The following TRIQK variants were observed in gnomAD, a reference collection of about 807,000 sequenced individuals.
TRIQK encodes the protein triple QxxK/R motif-containing protein.
TRIQK carries 10 observed loss-of-function variants against 10.8 expected under a neutral mutation model. That is an observed-to-expected ratio of 0.92 (90% CI 0.57 to 1.57). The LOEUF (loss-of-function observed/expected upper bound fraction) is 1.57, where lower values mean the gene tolerates loss of function less well. Among genes scored for constraint, TRIQK ranks in the 40% most tolerant of loss-of-function variants. The pLI, the probability that TRIQK is intolerant of heterozygous loss-of-function variation, is 0.00. For missense variants in TRIQK, 107 were observed against 97.7 expected (o/e 1.09, Z -0.40); for synonymous variants, 33 against 33.7 (o/e 0.98, Z 0.07).
intron 4 of TRIQK, among the ~76,000 whole-genome samples, chr8:92,889,833 A>T (rs1371963372): frequency 6.6e-6 from 1 of 151,706 alleles, no homozygotes; most frequent in African/African-American, 2.4e-5. Flanking sequence ...AGGGGATAGG[A>T]TTCTAGGCCT....
At chr8:92,976,836 C>T (rs1251806385) in intron 1 of TRIQK, among the ~76,000 whole-genome samples, 2 of 151,916 alleles carry the variant, frequency 1.3e-5, no homozygotes, top group Admixed American at 6.6e-5. Context: ...AGCTGTTTAA[C>T]TTACCACCAT....
chr8:92,908,738 A>C (rs1011154633), intron 3 of TRIQK, among the ~76,000 whole-genome samples: 1 of 152,080 alleles, frequency 6.6e-6, no homozygotes, highest in Admixed American at 6.6e-5. Flanking sequence ...AAAAGCAGAG[A>C]GATAAGAGTC....
At chr8:92,934,846 C>T (rs757269609) in intron 2 of TRIQK, among the ~76,000 whole-genome samples, 5 of 151,590 alleles carry the variant, frequency 3.3e-5, no homozygotes, top group Non-Finnish European at 5.9e-5. Flanking sequence ...ATTGAGAAAA[C>T]AACATGGAAA....
chr8:92,998,750 A>G (rs901849295), intron 1 of TRIQK, among the ~76,000 whole-genome samples: 19 of 152,136 alleles, frequency 1.2e-4, no homozygotes, highest in Non-Finnish European at 2.6e-4. Flanking sequence ...GACTACAAAA[A>G]TGAAATGACA....
At chr8:92,894,380 C>G (rs1816911060) in intron 3 of TRIQK, among the ~76,000 whole-genome samples, 1 of 151,896 alleles carries the variant, frequency 6.6e-6, no homozygotes, top group African/African-American at 2.4e-5. Context: ...AAGAAAGATA[C>G]CTATGCCCAC....
intron 3 of TRIQK, among the ~76,000 whole-genome samples, chr8:92,908,247 C>T (rs1586399923): frequency 7.5e-6 from 1 of 133,932 alleles, no homozygotes; most frequent in Non-Finnish European, 1.7e-5. Context: ...TAGAAGCTCA[C>T]TGTTTCTTTC....
chr8:93,000,189 A>G (rs1813194278), intron 1 of TRIQK, among the ~76,000 whole-genome samples: 1 of 152,208 alleles, frequency 6.6e-6, no homozygotes. Flanking sequence ...GATAACTTTC[A>G]ACTTTCTAGT....
intron 2 of TRIQK, among the ~76,000 whole-genome samples, chr8:92,930,211 C>G (rs867989037): frequency 1.0e-4 from 15 of 150,512 alleles, no homozygotes; most frequent in Admixed American, 3.3e-4. Flanking sequence ...AACACCCCCC[C>G]ACCCACGTCT....
At chr8:92,972,830 A>C (rs1812888655) in intron 1 of TRIQK, 1 of 152,160 alleles carries the variant, frequency 6.6e-6, no homozygotes, top group Non-Finnish European at 1.5e-5. Context: ...CACAACACCC[A>C]TGGTCAGAAG....
At chr8:92,990,298 A>C (rs183200258) in intron 1 of TRIQK, among the ~76,000 whole-genome samples, 2 of 152,234 alleles carry the variant, frequency 1.3e-5, no homozygotes, top group African/African-American at 2.4e-5. Flanking sequence ...TAAGAATTCC[A>C]GTCAATTATG....
At chr8:92,949,692 GAA>G (rs762961946) in intron 2 of TRIQK, among the ~76,000 whole-genome samples, 8 of 86,000 alleles carry the variant, frequency 9.3e-5, no homozygotes, top group Non-Finnish European at 1.7e-4. Flanking sequence ...AAGAAAGAAA[GAA>G]AGAAAAGAGA....
intron 3 of TRIQK, among the ~76,000 whole-genome samples, chr8:92,894,341 G>A (rs1204161389): frequency 6.6e-6 from 1 of 151,798 alleles, no homozygotes. Flanking sequence ...ACCCAAAGAG[G>A]TTTTCAACAT....
At chr8:92,985,360 C>T (rs573159840) in intron 1 of TRIQK, among the ~76,000 whole-genome samples, 60 of 152,302 alleles carry the variant, frequency 3.9e-4, no homozygotes, top group African/African-American at 1.4e-3. Flanking sequence ...CTCCTTTCCT[C>T]ATGAATTCCA....
intron 1 of TRIQK, among the ~76,000 whole-genome samples, chr8:92,979,481 A>T (rs1480904419): frequency 2.6e-5 from 4 of 152,108 alleles, no homozygotes; most frequent in Admixed American, 6.6e-5. Flanking sequence ...ACTTTCATAT[A>T]TATTTTAGAA....
intron 2 of TRIQK, among the ~76,000 whole-genome samples, chr8:92,930,869 C>T (rs925345179): frequency 6.6e-6 from 1 of 152,074 alleles, no homozygotes; most frequent in Admixed American, 6.6e-5. Flanking sequence ...TTTATTTCAT[C>T]CAGCTGGTAC....
At chr8:92,938,948 CA>C (rs1437512274) in intron 2 of TRIQK, among the ~76,000 whole-genome samples, 1 of 151,922 alleles carries the variant, frequency 6.6e-6, no homozygotes, top group Non-Finnish European at 1.5e-5. Context: ...GTAGTTCCAC[CA>C]AATCTATCAT....
chr8:92,957,874 G>A (rs1191852277), intron 1 of TRIQK, among the ~76,000 whole-genome samples: 2 of 151,890 alleles, frequency 1.3e-5, no homozygotes, highest in East Asian at 3.8e-4. Context: ...GTAACTAGGG[G>A]ATTGTTTATA....
chr8:92,884,853 G>GT lies in TRIQK; in HGVS notation c.*1768dup, dbSNP rs1250502265. On this transcript the variant is annotated 3_prime_UTR_variant, in exon 5 of 5. Transcript: ENST00000521988. ...ACGTAAATGTGATGGGAGTGGGGGG[G>GT]TGGGGAGCAGTATTTCTTGACATGT... 2.2e-6 allele frequency: 1 copy of GT among 455,810 alleles called. No individual in the cohort carries two copies. The highest frequency in any genetic ancestry group is 4.4e-6 in the Non-Finnish European group (1 of 226,606). The allele number at this position is 455,810 out of a possible 1,614,324, so 28.2% of individuals were successfully genotyped here. A position where few individuals can be genotyped will look rare whatever the true frequency, so the allele number is the denominator to read the frequency against.
chr8:92,981,781 C>A (rs372054504), intron 1 of TRIQK, among the ~76,000 whole-genome samples: 1 of 151,812 alleles, frequency 6.6e-6, no homozygotes, highest in East Asian at 1.9e-4. Context: ...CTATTGCCAA[C>A]GAATGCAGTC....
Sources: gnomAD v4.1 joint callset for allele counts (sites outside exome capture counted in the v4.1 genomes callset) on GRCh38, gnomAD v4.1.1 for gene constraint, MANE v1.5 for transcripts, NCBI Gene and HGNC (gene_info 2026-07-23, HGNC 2026-07-21) for gene names.